The following COL5A2 variants were observed in gnomAD, a reference collection of about 807,000 sequenced individuals.
The protein encoded by COL5A2 is collagen alpha-2(V) chain.
A neutral mutation model predicts 208.2 loss-of-function variants in COL5A2; 23 were observed. The observed-to-expected ratio is 0.11, with a 90% CI of 0.08 to 0.16. The LOEUF (loss-of-function observed/expected upper bound fraction) is 0.16, where lower values mean the gene tolerates loss of function less well. Among genes scored for constraint, COL5A2 ranks in the 10% least tolerant of loss-of-function variants. COL5A2 has a pLI of 1.00. For missense variants in COL5A2, 1,590 were observed against 1,956.4 expected (o/e 0.81, Z 3.53); for synonymous variants, 625 against 628.5 (o/e 0.99, Z 0.08).
chr2:189,050,105 C>G (rs1576493521), intron 43 of COL5A2, among the ~76,000 whole-genome samples: 1 of 152,180 alleles, frequency 6.6e-6, no homozygotes, highest in African/African-American at 2.4e-5. Flanking sequence ...CTCCAGGGAA[C>G]AGGAGATTAC....
At chr2:189,217,026 T>G (rs1689287910) in intron 1 of COL5A2, among the ~76,000 whole-genome samples, 1 of 152,074 alleles carries the variant, frequency 6.6e-6, no homozygotes, top group Admixed American at 6.6e-5. Flanking sequence ...AGCATCGATA[T>G]GACCATGTTG....
the COL5A2 span, among the ~76,000 whole-genome samples, chr2:189,427,494 C>T: frequency 6.6e-6 from 1 of 152,184 alleles, no homozygotes. Context: ...CCCAATGGGG[C>T]ACTGCCTAGT....
At chr2:189,193,779 A>C (rs902202803) in intron 1 of COL5A2, among the ~76,000 whole-genome samples, 2 of 152,172 alleles carry the variant, frequency 1.3e-5, no homozygotes, top group Non-Finnish European at 2.9e-5. Context: ...AGAGAGGATG[A>C]GTTTATGAGA....
rs1686033688 is a variant in COL5A2, at chr2:189,061,555, T to C, written c.2031+7A>G. Reference sequence around the variant, plus strand: ...AAGATGAAATGGAAAACCGAATTAGTGCATACCTGAAAACCTGTGGGGCCT... The same window carrying C: ...AAGATGAAATGGAAAACCGAATTAGCGCATACCTGAAAACCTGTGGGGCCT... On this transcript the variant is annotated splice_region_variant and intron_variant, in intron 30 of 53. Coordinates refer to ENST00000374866, the MANE Select transcript of COL5A2 (RefSeq NM_000393.5). 3 of 1,608,724 alleles carry C rather than the reference T, an allele frequency of 1.9e-6. No individual in the cohort carries two copies. The highest frequency in any genetic ancestry group is 2.7e-5 in the African/African-American group (2 of 74,766).
At chr2:189,314,186 A>C in the COL5A2 span, among the ~76,000 whole-genome samples, 2 of 152,190 alleles carry the variant, frequency 1.3e-5, no homozygotes, top group South Asian at 4.1e-4. Context: ...TCAATCACAT[A>C]ATCAGAAGTA....
At chr2:189,436,904 G>C in the COL5A2 span, among the ~76,000 whole-genome samples, 1 of 152,144 alleles carries the variant, frequency 6.6e-6, no homozygotes, top group African/African-American at 2.4e-5. Context: ...TTTGATGCTA[G>C]GCTTAGTGCC....
the COL5A2 span, among the ~76,000 whole-genome samples, chr2:189,408,997 T>C: frequency 1.3e-5 from 2 of 152,100 alleles, no homozygotes; most frequent in African/African-American, 4.8e-5. Context: ...AATGCACCCA[T>C]TCATTCCCTT....
intron 8 of COL5A2, 31 bp downstream of exon 8, chr2:189,088,663 GT>G: frequency 6.6e-7 from 1 of 1,517,374 alleles, no homozygotes; most frequent in East Asian, 2.3e-5. Flanking sequence ...TTTCACTGAA[GT>G]ACTTCAATGA....
Position 189,052,992 on chromosome 2 carries a change from T to G in COL5A2, c.2580A>C (p.Lys860Asn). The G allele has an allele frequency of 1.2e-6, 2 of 1,613,782 alleles. No individual in the cohort carries two copies. Among genetic ancestry groups the G allele is most frequent in the Non-Finnish European group, 1.7e-6 (2 of 1,179,702 alleles). The change falls in exon 39 of 54, where the codon AAA (lysine) becomes AAC (asparagine). Residue 860 changes from lysine to asparagine, a missense_variant. Transcript: ENST00000374866. ...PQGPDGQPGV[K>N]GEPGEPGQKG... ...TCTGTCCTGGCTCTCCAGGTTCACC[T>G]TTTACTCCAGGCTGTCCGTCAGGAC... is the stretch of plus-strand genomic sequence containing the variant.
intron 1 of COL5A2, among the ~76,000 whole-genome samples, chr2:189,188,380 A>G (rs1688881476): frequency 6.6e-6 from 1 of 152,216 alleles, no homozygotes; most frequent in African/African-American, 2.4e-5. Context: ...TGATTCCAAG[A>G]TTCATCCATG....
At chr2:189,395,775 G>T in the COL5A2 span, among the ~76,000 whole-genome samples, 9 of 151,550 alleles carry the variant, frequency 5.9e-5, no homozygotes, top group Middle Eastern at 3.4e-3. Context: ...AGGTGTGATG[G>T]CAGGTACCTG....
At chr2:189,238,842 G>A in the COL5A2 span, among the ~76,000 whole-genome samples, 5 of 152,240 alleles carry the variant, frequency 3.3e-5, no homozygotes, top group East Asian at 3.9e-4. Flanking sequence ...CCCTTGACAC[G>A]TGGGGATTAT....
intron 1 of COL5A2, among the ~76,000 whole-genome samples, chr2:189,150,430 G>C (rs1421487054): frequency 6.6e-6 from 1 of 152,112 alleles, no homozygotes; most frequent in Non-Finnish European, 1.5e-5. Context: ...TGAGGTGATT[G>C]CTGTTTGGAA....
the COL5A2 span, among the ~76,000 whole-genome samples, chr2:189,324,460 A>C: frequency 0.036 from 5,542 of 152,282 alleles, 117 homozygotes; most frequent in Admixed American, 0.05. Flanking sequence ...AACTCAAACA[A>C]ATTTACAAGA....
At chr2:189,241,019 A>G in the COL5A2 span, among the ~76,000 whole-genome samples, 1 of 152,180 alleles carries the variant, frequency 6.6e-6, no homozygotes, top group Non-Finnish European at 1.5e-5. Context: ...TTATTTTATC[A>G]TTAAAACCAA....
chr2:189,251,095 T>A, the COL5A2 span, among the ~76,000 whole-genome samples: 1 of 152,250 alleles, frequency 6.6e-6, no homozygotes, highest in Non-Finnish European at 1.5e-5. Context: ...TGTGAGCAAG[T>A]GTAGAAACAG....
chr2:189,420,727 A>G, the COL5A2 span, among the ~76,000 whole-genome samples: 209 of 152,114 alleles, frequency 1.4e-3, no homozygotes, highest in Non-Finnish European at 2.6e-3. Flanking sequence ...ACCCTACTCC[A>G]AAGGCAGAAA....
At chr2:189,258,943 T>C in the COL5A2 span, among the ~76,000 whole-genome samples, 2 of 152,148 alleles carry the variant, frequency 1.3e-5, no homozygotes, top group Non-Finnish European at 2.9e-5. Flanking sequence ...ACCTGCCAAA[T>C]CTTCACTCAT....
At position 189,042,513 on chromosome 2, in the gene COL5A2, C is replaced by T. The variant is rs10195023; in HGVS notation, c.3525+207G>A. Among the ~76,000 whole-genome samples the T allele has an allele frequency of 0.096, 14,634 of 152,012 alleles. 735 individuals carry two copies. The highest frequency in any genetic ancestry group is 0.15 in the South Asian group (740 of 4,820). On this transcript the variant is annotated intron_variant, in intron 49 of 53. Coordinates refer to ENST00000374866, the MANE Select transcript of COL5A2 (RefSeq NM_000393.5). The stretch of plus-strand genomic sequence containing the variant: ...AAACCCTAGGTAATAAATTTTATTG[C>T]GGGCCCATGAGGTAATATATCATAT...
Sources: allele counts gnomAD v4.1 joint callset (sites outside exome capture counted in the v4.1 genomes callset), GRCh38; gene constraint gnomAD v4.1.1; transcripts MANE v1.5; gene names NCBI Gene and HGNC (gene_info 2026-07-23, HGNC 2026-07-21).